IQCE: variants seen among roughly 807,000 people sequenced by gnomAD.
IQCE encodes the protein IQ motif containing E.
IQCE carries 115 observed loss-of-function variants against 96.0 expected under a neutral mutation model. The observed-to-expected ratio is 1.20, with a 90% CI of 1.03 to 1.40. The LOEUF is 1.40. IQCE is among the 40% of genes most tolerant of loss of function. IQCE has a pLI of 0.00. For synonymous variants in IQCE, 412 were observed against 371.2 expected, an observed-to-expected ratio of 1.11 and a Z score of -1.26; for missense variants, 1,041 against 909.1, an observed-to-expected ratio of 1.15 and a Z score of -1.87.
At chr7:2,603,703 T>C (rs1439162871) in intron 18 of IQCE, among the ~76,000 whole-genome samples, 1 of 152,254 alleles carries the variant, frequency 6.6e-6, no homozygotes, top group African/African-American at 2.4e-5. Flanking sequence ...CACCACACTC[T>C]GGCGGGTCGT....
At chr7:2,599,115 C>T (rs1285257546) in intron 17 of IQCE, among the ~76,000 whole-genome samples, 3 of 152,206 alleles carry the variant, frequency 2.0e-5, no homozygotes, top group African/African-American at 4.8e-5. Flanking sequence ...GCCTGGGGGT[C>T]GGTTGGTTAC....
At chr7:2,588,084 G>A (rs573004674) in intron 13 of IQCE, among the ~76,000 whole-genome samples, 1 of 152,214 alleles carries the variant, frequency 6.6e-6, no homozygotes, top group South Asian at 2.1e-4. Flanking sequence ...GAGCTTCTGT[G>A]CGTGGCCGCA....
At chr7:2,567,729 C>T (rs763527715) in intron 2 of IQCE, among the ~76,000 whole-genome samples, 1 of 152,210 alleles carries the variant, frequency 6.6e-6, no homozygotes, top group Non-Finnish European at 1.5e-5. Context: ...TTACTGGAGA[C>T]GCAGATCTAG....
At chr7:2,582,994 G>A (rs1032560108) in intron 9 of IQCE, among the ~76,000 whole-genome samples, 4 of 152,108 alleles carry the variant, frequency 2.6e-5, no homozygotes, top group East Asian at 1.9e-4. Flanking sequence ...TTTCGAGTGC[G>A]AAGGGAGAGT....
chr7:2,582,325 C>T (rs916530600), intron 8 of IQCE, among the ~76,000 whole-genome samples: 3 of 152,188 alleles, frequency 2.0e-5, no homozygotes, highest in South Asian at 2.1e-4. Flanking sequence ...GGCTGCCAGT[C>T]GGTCAGTGTG....
chr7:2,580,966 C>G (rs1782620349), intron 8 of IQCE, among the ~76,000 whole-genome samples: 1 of 151,962 alleles, frequency 6.6e-6, no homozygotes, highest in South Asian at 2.1e-4. Flanking sequence ...CTCAGCTACT[C>G]CTGAGTAGCT....
chr7:2,596,617 G>A (rs1784060666), intron 16 of IQCE, among the ~76,000 whole-genome samples: 1 of 152,074 alleles, frequency 6.6e-6, no homozygotes, highest in Admixed American at 6.6e-5. Context: ...GAGGAGAGTC[G>A]GTTTAAGAGT....
rs1780709905 is a variant in IQCE, at chr7:2,559,017, C to A, written c.-165C>A. On this transcript the variant is annotated 5_prime_UTR_variant, in exon 1 of 22. Transcript: ENST00000402050. ...GTCGCCCCAGGGGGAACGCAGGTCG[C>A]TTACCCGGCTGGGTAGGTCGGCGGC... 5.5e-6 allele frequency: 2 copies of A among 364,448 alleles called. No homozygotes were observed. The highest frequency in any genetic ancestry group is 4.7e-6 in the Non-Finnish European group (1 of 210,742). 22.6% of individuals were successfully genotyped at this position (364,448 alleles called of 1,614,324 possible).
At chr7:2,598,332 C>G (rs1445835330) in intron 16 of IQCE, 133 bp from the exon 17 acceptor site, 2 of 846,612 alleles carry the variant, frequency 2.4e-6, no homozygotes, top group Non-Finnish European at 3.6e-6. Flanking sequence ...TGGAACAGCT[C>G]TCTCCTCCAC....
At chr7:2,589,424 C>G (rs1783398325) in intron 13 of IQCE, among the ~76,000 whole-genome samples, 1 of 152,104 alleles carries the variant, frequency 6.6e-6, no homozygotes, top group South Asian at 2.1e-4. Context: ...GTTGGGAAGT[C>G]AAGGCACCCA....
chr7:2,586,402 G>A (rs772439007), intron 12 of IQCE, 31 bp downstream of exon 12: 9 of 1,507,796 alleles, frequency 6.0e-6, no homozygotes, highest in Non-Finnish European at 7.9e-6. Flanking sequence ...CCAGGAGGGA[G>A]GCCAGGGAAT....
rs770348134 is a variant in IQCE at position 2,586,297 on chromosome 7, C to T, written c.914C>T (p.Thr305Met). The T allele has an allele frequency of 1.2e-5, 20 of 1,613,874 alleles. No individual in the cohort carries two copies. Among genetic ancestry groups the T allele is most frequent in the Middle Eastern group, 3.3e-4 (2 of 6,066 alleles). The change falls in exon 12 of 22, where the codon ACG becomes ATG. Residue 305 changes from threonine (T) to methionine (M), a missense_variant. Transcript: ENST00000402050. The part of the protein sequence containing the change: ...LSLSRSVQEL[T>M]EENQSLKEDL... Reference sequence around the variant, plus strand: ...TTGTCCCGGAGTGTCCAGGAGCTCACGGAAGAGAACCAGAGCCTGAAGGAG... The same window carrying T: ...TTGTCCCGGAGTGTCCAGGAGCTCATGGAAGAGAACCAGAGCCTGAAGGAG...
intron 16 of IQCE, among the ~76,000 whole-genome samples, chr7:2,595,431 C>T (rs1286022282): frequency 6.6e-6 from 1 of 152,198 alleles, no homozygotes; most frequent in Non-Finnish European, 1.5e-5. Flanking sequence ...GCTTCCTGTG[C>T]CCTCCCTGCC....
chr7:2,606,868 A>G (rs1784869704), intron 20 of IQCE, among the ~76,000 whole-genome samples: 2 of 152,090 alleles, frequency 1.3e-5, no homozygotes, highest in South Asian at 4.1e-4. Flanking sequence ...GCCAGCTTAT[A>G]AAACCATGCC....
At chr7:2,576,423 T>G (rs1176927327) in intron 6 of IQCE, among the ~76,000 whole-genome samples, 2 of 151,964 alleles carry the variant, frequency 1.3e-5, no homozygotes, top group Non-Finnish European at 2.9e-5. Context: ...TTTTTTTTCT[T>G]TTTTTTTGAG....
intron 5 of IQCE, chr7:2,572,833 C>T (rs757256239): frequency 3.2e-5 from 14 of 431,104 alleles, no homozygotes; most frequent in South Asian, 1.2e-4. Flanking sequence ...CATGAGCCAC[C>T]GTGCCCGGCC....
At chr7:2,601,315 A>G in intron 17 of IQCE, 126 bp from the exon 18 acceptor site, 1 of 692,208 alleles carries the variant, frequency 1.4e-6, no homozygotes, top group Non-Finnish European at 2.6e-6. Context: ...CTCGGGAGGG[A>G]GGAGCCAGGG....
chr7:2,561,221 G>T (rs1454783850), intron 1 of IQCE, among the ~76,000 whole-genome samples: 2 of 152,112 alleles, frequency 1.3e-5, no homozygotes, highest in Non-Finnish European at 2.9e-5. Context: ...GCCTCCCAAA[G>T]TGCTGGGATT....
intron 6 of IQCE, among the ~76,000 whole-genome samples, chr7:2,574,837 C>G (rs1782001831): frequency 6.6e-6 from 1 of 152,184 alleles, no homozygotes; most frequent in Admixed American, 6.5e-5. Context: ...CTCACGGATG[C>G]TTTCTGCTGG....
Sources: allele counts gnomAD v4.1 joint callset (sites outside exome capture counted in the v4.1 genomes callset), GRCh38; gene constraint gnomAD v4.1.1; transcripts MANE v1.5; gene names NCBI Gene and HGNC (gene_info 2026-07-23, HGNC 2026-07-21).